Variants in RANBP2 observed in about 807,000 individuals in gnomAD.
The protein encoded by RANBP2 is RAN binding protein 2.
Under a neutral mutation model 303.6 loss-of-function variants are expected in RANBP2, and 57 were observed. That is an observed-to-expected ratio of 0.19 (90% CI 0.15 to 0.23). The LOEUF is 0.23. RANBP2 is among the 10% of genes least tolerant of loss of function. RANBP2 has a pLI of 1.00. For missense variants in RANBP2, 3,138 were observed against 3,780.8 expected (o/e 0.83, Z 4.46); for synonymous variants, 1,167 against 1,301.5 (o/e 0.90, Z 2.23).
At chr2:109,614,038 G>T in the RANBP2 span, 1 of 1,209,692 alleles carries the variant, frequency 8.3e-7, no homozygotes, top group African/African-American at 1.6e-5. Flanking sequence ...CGCGCTGAGC[G>T]TTTTGCCTGC....
At chr2:109,128,985 C>T in the RANBP2 span, 3 of 424,542 alleles carry the variant, frequency 7.1e-6, no homozygotes, top group South Asian at 1.6e-5. Context: ...CCCCCGCGCA[C>T]GTGCTCGCGG....
chr2:109,164,017 A>G, the RANBP2 span, among the ~76,000 whole-genome samples: 2 of 152,188 alleles, frequency 1.3e-5, no homozygotes, highest in African/African-American at 4.8e-5. Flanking sequence ...TTTGTTTGTT[A>G]CAATGAGATT....
At chr2:108,961,108 G>A in the RANBP2 span, among the ~76,000 whole-genome samples, 3 of 152,282 alleles carry the variant, frequency 2.0e-5, no homozygotes, top group East Asian at 1.9e-4. Context: ...GCCACCTCCC[G>A]ACCAGCACTG....
chr2:109,697,891 ACT>A, the RANBP2 span, among the ~76,000 whole-genome samples: 2 of 135,624 alleles, frequency 1.5e-5, no homozygotes, highest in African/African-American at 5.7e-5. Flanking sequence ...ATGGACTCTC[ACT>A]CTGTCATCCG....
At chr2:109,419,877 A>C in the RANBP2 span, among the ~76,000 whole-genome samples, 9 of 152,238 alleles carry the variant, frequency 5.9e-5, no homozygotes, top group African/African-American at 2.2e-4. Context: ...GGATATTCAG[A>C]GTATTCACAG....
At chr2:109,465,009 CTTTT>C in the RANBP2 span, among the ~76,000 whole-genome samples, 1 of 152,184 alleles carries the variant, frequency 6.6e-6, no homozygotes, top group African/African-American at 2.4e-5. Flanking sequence ...AACCACTGAC[CTTTT>C]TACTGCCTTC....
At chr2:108,721,309 G>C (rs1166743487) in intron 1 of RANBP2, among the ~76,000 whole-genome samples, 1 of 152,184 alleles carries the variant, frequency 6.6e-6, no homozygotes, top group Non-Finnish European at 1.5e-5. Context: ...TCCAGAGGAG[G>C]AGGATAGATA....
At chr2:109,621,558 G>A in the RANBP2 span, among the ~76,000 whole-genome samples, 1 of 151,986 alleles carries the variant, frequency 6.6e-6, no homozygotes. Context: ...ACATAATTGA[G>A]CATTCTTGAG....
intron 6 of RANBP2, among the ~76,000 whole-genome samples, chr2:108,738,297 G>A (rs906228187): frequency 5.9e-5 from 9 of 151,432 alleles, no homozygotes; most frequent in African/African-American, 2.2e-4. Context: ...GGATGGTCTT[G>A]ATCTCCTGAC....
At chr2:109,302,458 CACA>C in the RANBP2 span, among the ~76,000 whole-genome samples, 1 of 152,242 alleles carries the variant, frequency 6.6e-6, no homozygotes, top group East Asian at 1.9e-4. Flanking sequence ...AATAACCAGG[CACA>C]ACATGTGCCT....
chr2:109,528,775 A>G, the RANBP2 span, among the ~76,000 whole-genome samples: 11 of 152,162 alleles, frequency 7.2e-5, no homozygotes, highest in African/African-American at 2.2e-4. Flanking sequence ...AAAGGGGGTT[A>G]AGGTTGCCAA....
chr2:108,735,453 T>A (rs1211981748), intron 4 of RANBP2, 79 bp from the exon 5 acceptor site: 3 of 1,596,956 alleles, frequency 1.9e-6, no homozygotes, highest in Non-Finnish European at 2.5e-6. Flanking sequence ...CATAGTGGAA[T>A]GGTGCTCTTT....
At chr2:108,864,776 A>G in the RANBP2 span, among the ~76,000 whole-genome samples, 3 of 145,858 alleles carry the variant, frequency 2.1e-5, no homozygotes, top group East Asian at 6.1e-4. Flanking sequence ...CCTGGGCGAC[A>G]GAGCGAGACT....
the RANBP2 span, among the ~76,000 whole-genome samples, chr2:109,303,339 G>A: frequency 1.1e-3 from 164 of 152,350 alleles, no homozygotes; most frequent in Non-Finnish European, 2.0e-3. Flanking sequence ...GTTAAGACAA[G>A]GTGTGCGTTC....
chr2:109,675,457 G>A, the RANBP2 span, among the ~76,000 whole-genome samples: 1 of 152,128 alleles, frequency 6.6e-6, no homozygotes, highest in Non-Finnish European at 1.5e-5. Context: ...TGAGGCAAGT[G>A]GATGGTCTGA....
At chr2:108,940,010 C>A in the RANBP2 span, among the ~76,000 whole-genome samples, 1 of 152,212 alleles carries the variant, frequency 6.6e-6, no homozygotes, top group Non-Finnish European at 1.5e-5. Flanking sequence ...AATCCTTAAT[C>A]ATTGAAAGAC....
chr2:109,644,125 A>G, the RANBP2 span, among the ~76,000 whole-genome samples: 1 of 49,944 alleles, frequency 2.0e-5, no homozygotes, highest in Non-Finnish European at 5.2e-5. Context: ...TGTCTCAAAA[A>G]AAAAAACAAA....
the RANBP2 span, among the ~76,000 whole-genome samples, chr2:108,805,553 G>A: frequency 1.1e-4 from 14 of 125,692 alleles, no homozygotes; most frequent in East Asian, 1.3e-3. Flanking sequence ...GTGAAACCCC[G>A]TCTCTACCAA....
chr2:108,805,957 G>T, the RANBP2 span, among the ~76,000 whole-genome samples: 4 of 152,108 alleles, frequency 2.6e-5, no homozygotes, highest in Non-Finnish European at 1.5e-5. Context: ...CTTTGAAAAT[G>T]AAAGCATTGG....
Sources: gnomAD v4.1 joint callset for allele counts (sites outside exome capture counted in the v4.1 genomes callset) on GRCh38, gnomAD v4.1.1 for gene constraint, MANE v1.5 for transcripts, NCBI Gene and HGNC (gene_info 2026-07-23, HGNC 2026-07-21) for gene names.